SNX29: variants seen among roughly 807,000 people sequenced by gnomAD.
SNX29 encodes the protein sorting nexin-29.
In SNX29, 78 loss-of-function variants were observed where a neutral mutation model predicts 102.1. That is an observed-to-expected ratio of 0.76 (90% CI 0.64 to 0.92). The LOEUF is 0.92. Among genes scored for constraint, SNX29 ranks in the 40% least tolerant of loss-of-function variants. SNX29 has a pLI of 0.00. For missense variants in SNX29, 1,280 were observed against 1,061.7 expected, an observed-to-expected ratio of 1.21 and a Z score of -2.86; for synonymous variants, 580 against 414.5, an observed-to-expected ratio of 1.40 and a Z score of -4.85.
At position 12,398,448 on chromosome 16, in the gene SNX29, G is replaced by T. The variant is rs1312185761; in HGVS notation, c.1902G>T (p.Val634=). ...TCTCCCCCTTCTCCTGATGGTAGGT[G>T]CCTGGAGATTTGAGTCAAACGTCCG... is the stretch of plus-strand genomic sequence containing the variant. ...RQELIDLRGP[V]PGDLSQTSED... is the part of the protein sequence containing the mutation. Residue 634 remains valine (V), a splice_region_variant and synonymous_variant, in exon 17 of 21, where the codon GTG becomes GTT. Coordinates refer to ENST00000566228, the MANE Select transcript of SNX29 (RefSeq NM_032167.5). The T allele has an allele frequency of 3.1e-6, 5 of 1,614,008 alleles. No homozygotes were observed. Among genetic ancestry groups the T allele is most frequent in the Non-Finnish European group, 4.2e-6 (5 of 1,179,874 alleles).
chr16:12,297,412 T>C (rs1391819508), intron 15 of SNX29: 1 of 152,270 alleles, frequency 6.6e-6, no homozygotes, highest in Non-Finnish European at 1.5e-5. Context: ...TGGTTTGTTT[T>C]GTGTTGTTCT....
intron 19 of SNX29, among the ~76,000 whole-genome samples, chr16:12,491,302 G>T (rs1222032267): frequency 2.6e-5 from 4 of 152,182 alleles, no homozygotes; most frequent in Admixed American, 2.6e-4. Context: ...GAGGTTCCTG[G>T]CTTATAAGGT....
At chr16:12,565,248 G>C (rs539671854) in intron 20 of SNX29, among the ~76,000 whole-genome samples, 11 of 152,282 alleles carry the variant, frequency 7.2e-5, no homozygotes, top group Non-Finnish European at 1.6e-4. Flanking sequence ...AATCTATAAA[G>C]ATGGCAGTTG....
chr16:12,484,207 G>C lies in SNX29; in HGVS notation c.2178+6348G>C, dbSNP rs543961661. ...TCTGTCACCCAGGCTGGAGTGTAGC[G>C]GTGCGATCATGGCTCACTGCAGCCT... On this transcript the variant is annotated intron_variant, in intron 19 of 20. Coordinates refer to ENST00000566228, the MANE Select transcript of SNX29 (RefSeq NM_032167.5). Among the ~76,000 whole-genome samples the C allele has an allele frequency of 6.6e-5, 10 of 152,108 alleles. No individual in the cohort carries two copies. The South Asian group carries it at 1.9e-3, about 28-fold the overall frequency.
chr16:12,051,826 CTT>C lies in SNX29; in HGVS notation c.749-7_749-6del, dbSNP rs373216147. On this transcript the variant is annotated intron_variant, in intron 7 of 20. Coordinates refer to ENST00000566228, the MANE Select transcript of SNX29 (RefSeq NM_032167.5). ...TTGCCTCCTTTTTCTTATACTGTAT[CTT>C]TTTTTTTTTTTTTGCCAGATGCCAA... 12,643 of 1,454,724 alleles carry C rather than the reference CTT, an allele frequency of 8.7e-3. No individual in the cohort carries two copies. The highest frequency in any genetic ancestry group is 0.021 in the South Asian group (1,597 of 76,866). 90.1% of individuals were successfully genotyped at this position (1,454,724 alleles called of 1,614,324 possible).
rs1157975063 is a variant in SNX29 at position 12,461,955 on chromosome 16, C to CAA, written c.2038-15741_2038-15740dup. ...TGGGTGACAGAGCGAGACTCTGTCT[C>CAA]AAAAAAAAAAAAAAAAAAAAAAAAT... is the stretch of plus-strand genomic sequence containing the variant. On this transcript the variant is annotated intron_variant, in intron 18 of 20. Coordinates refer to ENST00000566228, the MANE Select transcript of SNX29 (RefSeq NM_032167.5). 5.5e-3 allele frequency among the ~76,000 whole-genome samples: 140 copies of CAA among 25,490 alleles called. 8 individuals are homozygous for CAA. The highest frequency in any genetic ancestry group is 8.0e-3 in the Admixed American group (9 of 1,122). The allele number at this position is 25,490 out of a possible 152,430, so 16.7% of individuals were successfully genotyped here.
At chr16:12,095,632 CCT>C (rs1299936861) in intron 11 of SNX29, among the ~76,000 whole-genome samples, 2 of 152,160 alleles carry the variant, frequency 1.3e-5, no homozygotes, top group African/African-American at 4.8e-5. Flanking sequence ...AAACATTTCC[CCT>C]GTGTCATTGC....
At chr16:12,052,321 A>G (rs1446693703) in intron 8 of SNX29, 99 bp downstream of exon 8, 2 of 1,377,368 alleles carry the variant, frequency 1.5e-6, no homozygotes, top group Non-Finnish European at 2.0e-6. Flanking sequence ...GGTTCAAGCT[A>G]TTCTCCTGCC....
intron 4 of SNX29, among the ~76,000 whole-genome samples, chr16:12,042,017 C>G (rs1284794148): frequency 6.6e-6 from 1 of 151,994 alleles, no homozygotes; most frequent in East Asian, 1.9e-4. Context: ...TTCTGTATCT[C>G]CCACCTTTTT....
chr16:12,547,076 A>G (rs2077651482), intron 20 of SNX29, among the ~76,000 whole-genome samples: 2 of 152,230 alleles, frequency 1.3e-5, no homozygotes, highest in African/African-American at 4.8e-5. Flanking sequence ...TGAGGCAGAC[A>G]TGCCTATGTG....
At chr16:12,457,812 A>AATGAGT (rs1176667192) in intron 18 of SNX29, among the ~76,000 whole-genome samples, 1 of 152,218 alleles carries the variant, frequency 6.6e-6, no homozygotes, top group Non-Finnish European at 1.5e-5. Flanking sequence ...ATGAGAGAGA[A>AATGAGT]ATGAGTACAT....
intron 3 of SNX29, among the ~76,000 whole-genome samples, chr16:12,016,448 A>C (rs2056852002): frequency 6.6e-6 from 1 of 152,164 alleles, no homozygotes; most frequent in South Asian, 2.1e-4. Context: ...CAATAATTTC[A>C]CTGGCACAAG....
Position 12,496,625 on chromosome 16 carries a change from G to T in SNX29, c.2178+18766G>T, listed in dbSNP as rs967453670. 5.3e-5 allele frequency among the ~76,000 whole-genome samples: 8 copies of T among 149,814 alleles called. No individual in the cohort carries two copies. In the East Asian group the frequency reaches 1.4e-3, roughly 26 times the overall value. ...TCCTGGGTTCAAACAGTTCTCCTGC[G>T]TCAGCCTCCAGAGTTGCTAGGATTA... is the stretch of plus-strand genomic sequence containing the variant. On this transcript the variant is annotated intron_variant, in intron 19 of 20. Transcript: ENST00000566228.
At chr16:12,056,251 A>G (rs775193027) in intron 8 of SNX29, among the ~76,000 whole-genome samples, 11 of 152,254 alleles carry the variant, frequency 7.2e-5, no homozygotes, top group Non-Finnish European at 1.2e-4. Flanking sequence ...GTGTAGCCCC[A>G]TGGGTGAGGC....
At chr16:12,548,894 G>C (rs1040227693) in intron 20 of SNX29, among the ~76,000 whole-genome samples, 1 of 152,228 alleles carries the variant, frequency 6.6e-6, no homozygotes, top group Non-Finnish European at 1.5e-5. Context: ...ACACATAGCA[G>C]CACTCACTCG....
At chr16:12,488,956 G>T (rs567256945) in intron 19 of SNX29, among the ~76,000 whole-genome samples, 1 of 152,142 alleles carries the variant, frequency 6.6e-6, no homozygotes, top group Non-Finnish European at 1.5e-5. Flanking sequence ...ACTTGACTCC[G>T]TTGGGCATTA....
chr16:12,104,004 T>G (rs2053128504), intron 11 of SNX29, among the ~76,000 whole-genome samples: 1 of 152,180 alleles, frequency 6.6e-6, no homozygotes, highest in Non-Finnish European at 1.5e-5. Flanking sequence ...GAACTACACT[T>G]GCAAAAATGA....
chr16:12,214,502 A>G (rs2077270665), intron 14 of SNX29, among the ~76,000 whole-genome samples: 1 of 151,994 alleles, frequency 6.6e-6, no homozygotes, highest in African/African-American at 2.4e-5. Context: ...TTGTAAGGAA[A>G]CTGGTCATTT....
Position 12,064,128 on chromosome 16 carries a change from G to C in SNX29, c.1243+2482G>C, listed in dbSNP as rs138333611. 2.6e-3 allele frequency among the ~76,000 whole-genome samples: 402 copies of C among 152,266 alleles called. 2 individuals are homozygous for C. Among genetic ancestry groups the C allele is most frequent in the African/African-American group, 8.9e-3 (371 of 41,540 alleles). ...TGGGTTCTTGAATTATTGTGGAACC[G>C]TGAGGTGCTTGCAGTAGGTGGTCTG... On this transcript the variant is annotated intron_variant, in intron 9 of 20. Transcript: ENST00000566228.
Sources: allele counts gnomAD v4.1 joint callset (sites outside exome capture counted in the v4.1 genomes callset), GRCh38; gene constraint gnomAD v4.1.1; transcripts MANE v1.5; gene names NCBI Gene and HGNC (gene_info 2026-07-23, HGNC 2026-07-21).